Variants in LIPI observed in about 807,000 individuals in gnomAD.
LIPI encodes the protein lipase member I.
In LIPI, 59 loss-of-function variants were observed where a neutral mutation model predicts 50.6. The observed-to-expected ratio is 1.16, with a 90% confidence interval of 0.94 to 1.45. The LOEUF (loss-of-function observed/expected upper bound fraction) is 1.45. LIPI is among the 40% of genes most tolerant of loss of function. The pLI is 0.00. For synonymous variants in LIPI, 203 were observed against 178.2 expected (o/e 1.14, Z -1.11); for missense variants, 586 against 536.3 (o/e 1.09, Z -0.92).
rs200411488 is a variant in LIPI at position 14,190,344 on chromosome 21, G to GT, written c.47-926dup. Among the ~76,000 whole-genome samples, 787 of 151,720 alleles carry GT rather than the reference G, an allele frequency of 5.2e-3. 5 individuals carry two copies. Among genetic ancestry groups the GT allele is most frequent in the African/African-American group, 0.018 (739 of 41,384 alleles). On this transcript the variant is annotated intron_variant, in intron 1 of 9. Transcript: ENST00000681601. ...TAATAAGCAAATAATCCCCATAGTG[G>GT]TTTTTTTTCCAGATGATAGTATATG... is the stretch of plus-strand genomic sequence containing the variant.
rs555008092 is a variant in LIPI, at chr21:14,126,066, T to G, written c.1296-16986A>C. Among the ~76,000 whole-genome samples the G allele has an allele frequency of 2.6e-5, 4 of 152,256 alleles. No homozygotes were observed. The South Asian group carries it at 8.3e-4, about 32-fold the overall frequency. ...GGCTGGTGAAGGTGCAGTTTGGGTT[T>G]AGGAGAACGTGGAGCTCTTACATTT... On this transcript the variant is annotated intron_variant, in intron 9 of 9. Transcript: ENST00000681601.
intron 7 of LIPI, among the ~76,000 whole-genome samples, chr21:14,159,390 GAAA>G (rs931071746): frequency 1.3e-5 from 2 of 151,006 alleles, no homozygotes; most frequent in Non-Finnish European, 3.0e-5. Flanking sequence ...ACAAACTAAA[GAAA>G]AAAATTATAT....
chr21:14,161,720 A>G (rs12482099), intron 7 of LIPI, among the ~76,000 whole-genome samples: 1,049 of 31,640 alleles, frequency 0.033, 158 homozygotes, highest in Middle Eastern at 0.14. Context: ...ATATATTAAT[A>G]TATAATATAT....
chr21:14,108,933 A>C lies in LIPI; in HGVS notation c.*60T>G. On this transcript the variant is annotated 3_prime_UTR_variant, in exon 10 of 10. Coordinates refer to ENST00000681601, the MANE Select transcript of LIPI (RefSeq NM_001302998.2). ...CAGTGCATTATAAAAGACTGATTGCATTGTTTCATTTACAAGTCCATTAAT... is the reference window on the plus strand; with the variant it reads ...CAGTGCATTATAAAAGACTGATTGCCTTGTTTCATTTACAAGTCCATTAAT... 6.2e-7 allele frequency: 1 copy of C among 1,600,174 alleles called. No homozygotes were observed. Among genetic ancestry groups the C allele is most frequent in the South Asian group, 1.1e-5 (1 of 90,726 alleles).
At chr21:14,167,248 G>A (rs185632149) in intron 4 of LIPI, among the ~76,000 whole-genome samples, 3,998 of 152,308 alleles carry the variant, frequency 0.026, 66 homozygotes, top group Admixed American at 0.032. Context: ...GCTCAAGGAG[G>A]CCTGCCTGCC....
chr21:14,201,600 G>C (rs370220266), intron 1 of LIPI, among the ~76,000 whole-genome samples: 1 of 152,006 alleles, frequency 6.6e-6, no homozygotes, highest in South Asian at 2.1e-4. Flanking sequence ...GATTATCTCA[G>C]TAGATGCAGA....
intron 2 of LIPI, 111 bp from the exon 3 acceptor site, chr21:14,186,180 T>C: frequency 1.4e-6 from 1 of 730,116 alleles, no homozygotes; most frequent in Non-Finnish European, 2.5e-6. Flanking sequence ...GCTTGATTCA[T>C]TTTGGGGATA....
intron 9 of LIPI, among the ~76,000 whole-genome samples, chr21:14,119,885 T>C (rs1243440787): frequency 6.6e-6 from 1 of 152,158 alleles, no homozygotes; most frequent in South Asian, 2.1e-4. Flanking sequence ...AAGCTCACAT[T>C]TGGACAGAAG....
At chr21:14,207,332 A>G (rs570688504) in intron 1 of LIPI, among the ~76,000 whole-genome samples, 1 of 152,176 alleles carries the variant, frequency 6.6e-6, no homozygotes, top group Non-Finnish European at 1.5e-5. Context: ...AGAAATGGTA[A>G]CTGTTTGAGA....
intron 1 of LIPI, among the ~76,000 whole-genome samples, chr21:14,195,916 G>A (rs555683723): frequency 2.0e-4 from 30 of 152,096 alleles, no homozygotes; most frequent in African/African-American, 6.7e-4. Flanking sequence ...ACATACCCAG[G>A]AGAATGGCTA....
At chr21:14,206,693 T>C (rs2020234930) in intron 1 of LIPI, 8 of 670,780 alleles carry the variant, frequency 1.2e-5, no homozygotes, top group Non-Finnish European at 2.1e-5. Flanking sequence ...ACAACAACAA[T>C]ATTAACCACA....
intron 1 of LIPI, among the ~76,000 whole-genome samples, chr21:14,203,056 T>C (rs192863613): frequency 0.14 from 21,025 of 151,952 alleles, 1,899 homozygotes; most frequent in South Asian, 0.21. Flanking sequence ...AAGAAGACAT[T>C]TATGCAGCCA....
intron 3 of LIPI, among the ~76,000 whole-genome samples, chr21:14,185,007 G>T (rs183401747): frequency 1.3e-5 from 2 of 151,976 alleles, no homozygotes; most frequent in African/African-American, 4.8e-5. Context: ...AACACTTAAA[G>T]TTATTATAAG....
chr21:14,210,814 C>A lies in LIPI; in HGVS notation c.32G>T (p.Cys11Phe). 1 of 1,215,494 alleles carries A rather than the reference C, an allele frequency of 8.2e-7. No individual in the cohort carries two copies. The highest frequency in any genetic ancestry group is 6.2e-5 in the East Asian group (1 of 16,068). The allele number at this position is 1,215,494 out of a possible 1,614,324, so 75.3% of individuals were successfully genotyped here. A position where few individuals can be genotyped will look rare whatever the true frequency, so the allele number is the denominator to read the frequency against. The change falls in exon 1 of 10, where the codon TGC (cysteine) becomes TTC (phenylalanine). Residue 11 changes from cysteine (C) to phenylalanine (F), a missense_variant. Coordinates refer to ENST00000681601, the MANE Select transcript of LIPI (RefSeq NM_001302998.2). ...TAATATCTTACCAGATCTCACCCAGCACATCAAACAAAGAAAAATGTATAC... is the reference window on the plus strand; with the variant it reads ...TAATATCTTACCAGATCTCACCCAGAACATCAAACAAAGAAAAATGTATAC... MRVYIFLCLM[C>F]WVRSDNKRPC... is the part of the protein sequence containing the mutation.
intron 1 of LIPI, among the ~76,000 whole-genome samples, chr21:14,198,507 AT>A (rs771969115): frequency 2.0e-5 from 3 of 152,294 alleles, no homozygotes; most frequent in East Asian, 3.9e-4. Context: ...ACCAACAAAG[AT>A]TAAAAAAAGA....
chr21:14,200,967 C>T (rs2020032000), intron 1 of LIPI, among the ~76,000 whole-genome samples: 1 of 151,986 alleles, frequency 6.6e-6, no homozygotes, highest in African/African-American at 2.4e-5. Context: ...TGCTGCACAC[C>T]TACAACTAGC....
chr21:14,174,605 G>T (rs2019031069), intron 4 of LIPI, among the ~76,000 whole-genome samples: 1 of 152,000 alleles, frequency 6.6e-6, no homozygotes, highest in African/African-American at 2.4e-5. Flanking sequence ...CCAGGCTGGA[G>T]TGCAATGGCA....
chr21:14,160,589 C>G (rs1010369670), intron 7 of LIPI, among the ~76,000 whole-genome samples: 49 of 151,362 alleles, frequency 3.2e-4, no homozygotes, highest in African/African-American at 1.2e-3. Context: ...GGGCTCAACA[C>G]AGAGTTCTTA....
chr21:14,200,373 C>T (rs901559623), intron 1 of LIPI, among the ~76,000 whole-genome samples: 3 of 151,968 alleles, frequency 2.0e-5, no homozygotes, highest in Non-Finnish European at 4.4e-5. Context: ...TGCCCAAATG[C>T]CTCTTAAATT....
Sources: gnomAD v4.1 joint callset for allele counts (sites outside exome capture counted in the v4.1 genomes callset) on GRCh38, gnomAD v4.1.1 for gene constraint, MANE v1.5 for transcripts, NCBI Gene and HGNC (gene_info 2026-07-23, HGNC 2026-07-21) for gene names.